The following ANGPT1 variants were observed in gnomAD, a reference collection of about 807,000 sequenced individuals.
The protein encoded by ANGPT1 is angiopoietin-1.
ANGPT1 carries 17 observed loss-of-function variants against 62.2 expected under a neutral mutation model. The observed-to-expected ratio is 0.27, with a 90% CI of 0.19 to 0.41. The LOEUF (loss-of-function observed/expected upper bound fraction) is 0.41. Among genes scored for constraint, ANGPT1 ranks in the 10% least tolerant of loss-of-function variants. The probability of loss-of-function intolerance (pLI) is 1.00; values close to 1 mark genes in which losing one functional copy is unlikely to be tolerated. For synonymous variants in ANGPT1, 199 were observed against 198.9 expected (o/e 1.00, Z 0.00); for missense variants, 478 against 594.9 (o/e 0.80, Z 2.04).
At chr8:107,360,760 TA>T (rs1208764781) in intron 1 of ANGPT1, among the ~76,000 whole-genome samples, 2 of 152,088 alleles carry the variant, frequency 1.3e-5, no homozygotes, top group African/African-American at 4.8e-5. Context: ...CGTCAGGCAG[TA>T]AAAAAGTCTT....
intron 1 of ANGPT1, among the ~76,000 whole-genome samples, chr8:107,479,235 T>G (rs889516170): frequency 3.3e-5 from 5 of 152,170 alleles, no homozygotes; most frequent in Non-Finnish European, 7.3e-5. Flanking sequence ...GTTCCTGCTA[T>G]GGTGGCTGCA....
intron 6 of ANGPT1, among the ~76,000 whole-genome samples, chr8:107,290,795 A>C (rs1415423344): frequency 6.6e-6 from 1 of 152,244 alleles, no homozygotes; most frequent in Non-Finnish European, 1.5e-5. Flanking sequence ...GGTAAACTCC[A>C]TAAAACATGA....
chr8:107,330,628 C>T (rs922999685), intron 3 of ANGPT1, among the ~76,000 whole-genome samples: 1 of 152,032 alleles, frequency 6.6e-6, no homozygotes, highest in African/African-American at 2.4e-5. Flanking sequence ...ACTGGAGTGG[C>T]ACATAGCTTA....
At chr8:107,399,175 GTCC>G (rs1400353767) in intron 1 of ANGPT1, among the ~76,000 whole-genome samples, 1 of 152,112 alleles carries the variant, frequency 6.6e-6, no homozygotes, top group African/African-American at 2.4e-5. Flanking sequence ...TAGGCCTGAA[GTCC>G]TCACTTCATC....
chr8:107,428,275 G>A (rs190017858), intron 1 of ANGPT1, among the ~76,000 whole-genome samples: 4 of 152,182 alleles, frequency 2.6e-5, no homozygotes, highest in Admixed American at 1.3e-4. Flanking sequence ...AATTCAGTTC[G>A]TGTGGGTATA....
rs202049380 is a variant in ANGPT1, at chr8:107,370,404, GAA to G, written c.298-23309_298-23308del. 1.5e-3 allele frequency among the ~76,000 whole-genome samples: 18 copies of G among 12,232 alleles called. 5 individuals are homozygous for G. The highest frequency in any genetic ancestry group is 0.01 in the Admixed American group (5 of 484). The allele number at this position is 12,232 out of a possible 152,430, so 8.0% of individuals were successfully genotyped here. A position where few individuals can be genotyped will look rare whatever the true frequency, so the allele number is the denominator to read the frequency against. On this transcript the variant is annotated intron_variant, in intron 1 of 8. Coordinates refer to ENST00000517746, the MANE Select transcript of ANGPT1 (RefSeq NM_001146.5). ...AGAAAGAAAGAAAGAAAGAAAGAAAGAAAGAGTCAGGGTCAGTGGCTCAGGCC... is the reference window on the plus strand; with the variant it reads ...AGAAAGAAAGAAAGAAAGAAAGAAAGAGAGTCAGGGTCAGTGGCTCAGGCC...
intron 1 of ANGPT1, among the ~76,000 whole-genome samples, chr8:107,454,458 C>G (rs1811862167): frequency 6.6e-6 from 1 of 152,010 alleles, no homozygotes; most frequent in Non-Finnish European, 1.5e-5. Context: ...CTTTTGATTA[C>G]CTGGTAGTGT....
At chr8:107,281,733 G>A (rs749588798) in intron 7 of ANGPT1, among the ~76,000 whole-genome samples, 1 of 152,106 alleles carries the variant, frequency 6.6e-6, no homozygotes, top group East Asian at 1.9e-4. Context: ...AGCCGAGATC[G>A]CGCCATTGCA....
intron 4 of ANGPT1, among the ~76,000 whole-genome samples, chr8:107,310,117 CCATTTTTTATGGAACTA>C (rs1484959587): frequency 6.6e-6 from 1 of 151,886 alleles, no homozygotes; most frequent in Non-Finnish European, 1.5e-5. Flanking sequence ...ATCTTAACTA[CCATTTTTTATGGAACTA>C]TAATAATCAT....
At chr8:107,270,792 TA>T (rs1238430091) in intron 7 of ANGPT1, among the ~76,000 whole-genome samples, 3 of 152,026 alleles carry the variant, frequency 2.0e-5, no homozygotes, top group Non-Finnish European at 4.4e-5. Context: ...GTGAATATAT[TA>T]AAGACATTCA....
At chr8:107,435,157 G>A (rs62513238) in intron 1 of ANGPT1, among the ~76,000 whole-genome samples, 9,634 of 152,204 alleles carry the variant, frequency 0.063, 396 homozygotes, top group African/African-American at 0.1. Flanking sequence ...TGACAGAAAT[G>A]TTCAGAAATT....
intron 6 of ANGPT1, among the ~76,000 whole-genome samples, chr8:107,291,452 G>A (rs1008063163): frequency 1.3e-5 from 2 of 151,898 alleles, no homozygotes; most frequent in African/African-American, 2.4e-5. Flanking sequence ...TTTCTCGGTC[G>A]CTAGGCTGGA....
intron 1 of ANGPT1, among the ~76,000 whole-genome samples, chr8:107,494,059 T>A (rs1813032419): frequency 6.6e-6 from 1 of 151,694 alleles, no homozygotes; most frequent in African/African-American, 2.4e-5. Flanking sequence ...GTGTAAAATA[T>A]GTATAGCAAA....
At chr8:107,253,296 G>A (rs925919640) in intron 8 of ANGPT1, among the ~76,000 whole-genome samples, 1 of 152,112 alleles carries the variant, frequency 6.6e-6, no homozygotes, top group African/African-American at 2.4e-5. Flanking sequence ...AAAAGAAGGA[G>A]GAACTGCAAG....
At chr8:107,481,315 A>C (rs373584752) in intron 1 of ANGPT1, among the ~76,000 whole-genome samples, 136 of 152,180 alleles carry the variant, frequency 8.9e-4, no homozygotes, top group African/African-American at 3.2e-3. Context: ...CAGGTGGATC[A>C]CGAGGTCAAG....
chr8:107,418,775 A>C (rs1005065206), intron 1 of ANGPT1, among the ~76,000 whole-genome samples: 2 of 152,170 alleles, frequency 1.3e-5, no homozygotes, highest in African/African-American at 4.8e-5. Flanking sequence ...TGCTCATATA[A>C]TGGAATCCCA....
intron 1 of ANGPT1, among the ~76,000 whole-genome samples, chr8:107,480,242 T>C (rs2130518438): frequency 6.6e-6 from 1 of 152,296 alleles, no homozygotes; most frequent in South Asian, 2.1e-4. Flanking sequence ...TGCATGGGTT[T>C]AAAAATGTTT....
At chr8:107,487,548 T>C (rs1481857584) in intron 1 of ANGPT1, among the ~76,000 whole-genome samples, 1 of 148,696 alleles carries the variant, frequency 6.7e-6, no homozygotes, top group Non-Finnish European at 1.5e-5. Context: ...ATTCATCTGC[T>C]AAAAAAAAAA....
Position 107,294,023 on chromosome 8 carries a change from C to A in ANGPT1, c.951G>T (p.Met317Ile), listed in dbSNP as rs1814348678. The change falls in exon 6 of 9, where the codon ATG becomes ATT. Residue 317 changes from methionine to isoleucine, a missense_variant. By Grantham distance (10) the Met-to-Ile change is conservative (BLOSUM62 1). This residue lies in a region of ANGPT1 where 81 missense variants were observed against 117.1 expected (regional missense o/e 0.69). Coordinates refer to ENST00000517746, the MANE Select transcript of ANGPT1 (RefSeq NM_001146.5). ...MPEPKKVFCN[M>I]DVNGGGWTVI... Reference sequence around the variant, plus strand: ...CAGTCCAACCTCCCCCATTGACATCCATATTGCAAAACACCTGACAAATGG... The same window carrying A: ...CAGTCCAACCTCCCCCATTGACATCAATATTGCAAAACACCTGACAAATGG... 1 of 1,611,434 alleles carries A rather than the reference C, an allele frequency of 6.2e-7. No homozygotes were observed. The highest frequency in any genetic ancestry group is 1.3e-5 in the African/African-American group (1 of 74,806).
Sources: gnomAD v4.1 joint callset for allele counts (sites outside exome capture counted in the v4.1 genomes callset) on GRCh38, gnomAD v4.1.1 for gene constraint, gnomAD v4.1.1 regional missense constraint, MANE v1.5 for transcripts, NCBI Gene and HGNC (gene_info 2026-07-23, HGNC 2026-07-21) for gene names.